Variants in CA10 observed in about 807,000 individuals in gnomAD.
CA10 encodes carbonic anhydrase 10 (inactive).
CA10 carries 14 observed loss-of-function variants against 44.2 expected under a neutral mutation model. The observed-to-expected ratio is 0.32, with a 90% CI of 0.21 to 0.50. The LOEUF (loss-of-function observed/expected upper bound fraction) is 0.50. Among genes scored for constraint, CA10 ranks in the 20% least tolerant of loss-of-function variants. The pLI is 0.99. For synonymous variants in CA10, 159 were observed against 141.6 expected (o/e 1.12, Z -0.87); for missense variants, 350 against 409.7 (o/e 0.85, Z 1.26).
intron 4 of CA10, among the ~76,000 whole-genome samples, chr17:51,745,260 G>A (rs563116487): frequency 6.6e-6 from 1 of 152,202 alleles, no homozygotes; most frequent in East Asian, 1.9e-4. Flanking sequence ...CACAGTGGTC[G>A]CTAACCAAAA....
intron 3 of CA10, among the ~76,000 whole-genome samples, chr17:51,771,122 C>CA (rs71357854): frequency 0.052 from 1,963 of 37,634 alleles, 433 homozygotes; most frequent in African/African-American, 0.21. Context: ...GACTCCGTCT[C>CA]AAAAAAAAAA....
intron 4 of CA10, among the ~76,000 whole-genome samples, chr17:51,710,855 AG>A (rs1332635319): frequency 6.6e-6 from 1 of 150,950 alleles, no homozygotes; most frequent in Non-Finnish European, 1.5e-5. Flanking sequence ...GGCCTCCTGA[AG>A]TTCATGCAAT....
intron 3 of CA10, among the ~76,000 whole-genome samples, chr17:51,921,347 A>G (rs1982224092): frequency 6.6e-6 from 1 of 152,170 alleles, no homozygotes; most frequent in Non-Finnish European, 1.5e-5. Context: ...CATAGCTTGA[A>G]TTCTTATTTT....
chr17:51,878,861 TATATATATATATATATATATATA>T (rs1980216116), intron 3 of CA10, among the ~76,000 whole-genome samples: 1 of 24,002 alleles, frequency 4.2e-5, no homozygotes, highest in Non-Finnish European at 6.9e-5. Flanking sequence ...TATATATATA[TATATATATATATATATATATATA>T]TATATATGGG....
intron 2 of CA10, among the ~76,000 whole-genome samples, chr17:52,016,849 G>T (rs1352195281): frequency 2.6e-5 from 4 of 152,110 alleles, no homozygotes; most frequent in East Asian, 1.9e-4. Flanking sequence ...GTAGGTGGAG[G>T]TTGCAGTGAG....
intron 2 of CA10, among the ~76,000 whole-genome samples, chr17:52,061,352 G>A (rs1987380324): frequency 6.6e-6 from 1 of 152,174 alleles, no homozygotes; most frequent in African/African-American, 2.4e-5. Flanking sequence ...AGGTGGAGAA[G>A]GCAAGGGATT....
At chr17:52,101,455 C>G (rs1256332430) in intron 1 of CA10, among the ~76,000 whole-genome samples, 1 of 152,112 alleles carries the variant, frequency 6.6e-6, no homozygotes, top group Non-Finnish European at 1.5e-5. Flanking sequence ...AGTGGCAGGT[C>G]ATAAGAATTA....
intron 3 of CA10, among the ~76,000 whole-genome samples, chr17:51,812,268 G>A (rs1907400279): frequency 6.6e-6 from 1 of 152,154 alleles, no homozygotes; most frequent in African/African-American, 2.4e-5. Flanking sequence ...AAAAACAACG[G>A]TAATACGTTT....
intron 1 of CA10, among the ~76,000 whole-genome samples, chr17:52,085,940 G>C (rs765208114): frequency 6.6e-6 from 1 of 152,030 alleles, no homozygotes; most frequent in Non-Finnish European, 1.5e-5. Flanking sequence ...AAAACCTTCC[G>C]TGGTTTCTCC....
chr17:51,960,629 A>G (rs548282095), intron 2 of CA10, among the ~76,000 whole-genome samples: 135 of 152,338 alleles, frequency 8.9e-4, no homozygotes, highest in Non-Finnish European at 1.5e-3. Context: ...TTAATTCTAA[A>G]TTCTATATTA....
At chr17:51,722,132 G>A (rs958176625) in intron 4 of CA10, among the ~76,000 whole-genome samples, 4 of 152,062 alleles carry the variant, frequency 2.6e-5, no homozygotes, top group East Asian at 1.9e-4. Context: ...TTGTAGAACC[G>A]TCAGCTGGTG....
intron 3 of CA10, among the ~76,000 whole-genome samples, chr17:51,855,704 G>A (rs1279053496): frequency 6.6e-6 from 1 of 152,194 alleles, no homozygotes; most frequent in East Asian, 1.9e-4. Context: ...AACATTCATG[G>A]AGCTGCAGAG....
At chr17:51,775,665 A>G (rs1248166640) in intron 3 of CA10, among the ~76,000 whole-genome samples, 2 of 152,208 alleles carry the variant, frequency 1.3e-5, no homozygotes, top group Non-Finnish European at 2.9e-5. Context: ...GCACAATTAC[A>G]TGGCAATAAG....
intron 3 of CA10, among the ~76,000 whole-genome samples, chr17:51,787,600 C>T (rs1598045006): frequency 6.6e-6 from 1 of 152,164 alleles, no homozygotes; most frequent in East Asian, 1.9e-4. Context: ...AAGTGATTCT[C>T]CTGCCTCAGC....
intron 1 of CA10, among the ~76,000 whole-genome samples, chr17:52,128,417 T>C (rs576019549): frequency 1.8e-4 from 28 of 152,282 alleles, no homozygotes; most frequent in African/African-American, 6.7e-4. Context: ...ACAAAACTTC[T>C]CCCTTACAAT....
chr17:51,869,298 A>G (rs1979701356), intron 3 of CA10, among the ~76,000 whole-genome samples: 1 of 152,152 alleles, frequency 6.6e-6, no homozygotes, highest in Non-Finnish European at 1.5e-5. Flanking sequence ...AAAGACCCCA[A>G]TGTCATGGAA....
chr17:51,724,937 G>C (rs1303745371), intron 4 of CA10, among the ~76,000 whole-genome samples: 1 of 152,228 alleles, frequency 6.6e-6, no homozygotes, highest in Non-Finnish European at 1.5e-5. Context: ...AGTTTTCACT[G>C]TTGAGTGCCT....
intron 3 of CA10, among the ~76,000 whole-genome samples, chr17:51,831,733 A>C (rs55873849): frequency 0.13 from 15,821 of 118,460 alleles, 1,076 homozygotes; most frequent in South Asian, 0.31. Context: ...GCAGCAGCAG[A>C]AAAAGACCTT....
chr17:52,105,535 C>T (rs1988643850), intron 1 of CA10, among the ~76,000 whole-genome samples: 1 of 152,218 alleles, frequency 6.6e-6, no homozygotes, highest in South Asian at 2.1e-4. Context: ...AGCCACCACA[C>T]CTGGCCTCAA....
Sources: gnomAD v4.1 joint callset for allele counts (sites outside exome capture counted in the v4.1 genomes callset) on GRCh38, gnomAD v4.1.1 for gene constraint, MANE v1.5 for transcripts, NCBI Gene and HGNC (gene_info 2026-07-23, HGNC 2026-07-21) for gene names.